The following MXRA7 variants were observed in gnomAD, a reference collection of about 807,000 sequenced individuals.
The protein encoded by MXRA7 is matrix remodeling associated 7, also known as matrix-remodeling-associated protein 7.
In MXRA7, 18 loss-of-function variants were observed where a neutral mutation model predicts 17.4. The ratio of observed to expected loss-of-function variants is 1.03; its 90% CI spans 0.71 to 1.53. The LOEUF (loss-of-function observed/expected upper bound fraction) is 1.53, where lower values mean the gene tolerates loss of function less well. Ranked by LOEUF, MXRA7 falls within the 40% of genes most tolerant of loss-of-function variation. The pLI is 0.00. For synonymous variants in MXRA7, 70 were observed against 101.7 expected, an observed-to-expected ratio of 0.69 and a Z score of 1.87; for missense variants, 141 against 209.3, an observed-to-expected ratio of 0.67 and a Z score of 2.01.
chr17:76,683,995 G>A, intron 3 of MXRA7: 1 of 1,215,476 alleles, frequency 8.2e-7, no homozygotes. Context: ...AGGACTCGGG[G>A]CTCCTGCCAG....
chr17:76,688,384 G>A (rs765492235), intron 1 of MXRA7: 8 of 1,432,042 alleles, frequency 5.6e-6, no homozygotes, highest in Admixed American at 5.7e-5. Context: ...CACAAATGCT[G>A]AGCTGAGGCG....
In MXRA7 at chr17:76,682,917, G is replaced by A. The variant is rs1415152634; in HGVS notation, c.501-2038C>T. 9.9e-5 allele frequency among the ~76,000 whole-genome samples: 15 copies of A among 152,220 alleles called. 1 individual carries two copies. Among genetic ancestry groups the A allele is most frequent in the Admixed American group, 9.8e-4 (15 of 15,284 alleles). On this transcript the variant is annotated intron_variant, in intron 3 of 3. Transcript: ENST00000449428. ...CCCACAGAACAGCCAAGTGTGGGTT[G>A]GTGGTCTAGAGACCTCCAAAGATCC... is the stretch of plus-strand genomic sequence containing the variant.
At chr17:76,705,199 C>T (rs183670043) in intron 1 of MXRA7, among the ~76,000 whole-genome samples, 1 of 152,210 alleles carries the variant, frequency 6.6e-6, no homozygotes, top group African/African-American at 2.4e-5. Context: ...AAGGCTCTTT[C>T]TCTCTGAAAG....
chr17:76,695,353 GGTGTGTGTGT>G (rs71158054), intron 1 of MXRA7, among the ~76,000 whole-genome samples: 1 of 147,996 alleles, frequency 6.8e-6, no homozygotes, highest in Admixed American at 6.7e-5. Context: ...TTTAGCTTCA[GGTGTGTGTGT>G]GTGTGTGTGT....
At chr17:76,687,564 C>T (rs1034147678) in intron 2 of MXRA7, among the ~76,000 whole-genome samples, 1 of 152,184 alleles carries the variant, frequency 6.6e-6, no homozygotes, top group Non-Finnish European at 1.5e-5. Flanking sequence ...TGTTTGGTTC[C>T]GCCTCTGTCT....
At chr17:76,679,548 A>C (rs2076271409), downstream of MXRA7, 1 of 964,670 alleles carries the variant, frequency 1.0e-6, no homozygotes, top group African/African-American at 1.8e-5. Flanking sequence ...AAACAAAGCA[A>C]ACTGAAAAAA....
chr17:76,685,893 G>C (rs1440800443), intron 2 of MXRA7, among the ~76,000 whole-genome samples: 2 of 152,362 alleles, frequency 1.3e-5, no homozygotes, highest in East Asian at 3.9e-4. Context: ...AGCCCCATGG[G>C]GGAGCAACCT....
intron 1 of MXRA7, among the ~76,000 whole-genome samples, chr17:76,693,490 A>G (rs1039239919): frequency 9.9e-5 from 15 of 151,312 alleles, no homozygotes; most frequent in East Asian, 3.9e-4. Flanking sequence ...AAAAAAAAAA[A>G]AAAGAAAAAG....
chr17:76,686,880 A>G (rs548287830), intron 2 of MXRA7, among the ~76,000 whole-genome samples: 1 of 151,182 alleles, frequency 6.6e-6, no homozygotes, highest in African/African-American at 2.4e-5. Flanking sequence ...GCAGGAGGCT[A>G]AGATGGCAGG....
chr17:76,678,356 C>T (rs1486366231), downstream of MXRA7, among the ~76,000 whole-genome samples: 12 of 152,310 alleles, frequency 7.9e-5, no homozygotes, highest in Middle Eastern at 3.4e-3. Flanking sequence ...GTTTGCTCCA[C>T]GCGGGTTCTG....
intron 1 of MXRA7, among the ~76,000 whole-genome samples, chr17:76,694,114 G>A (rs2076507308): frequency 6.6e-6 from 1 of 152,176 alleles, no homozygotes; most frequent in Admixed American, 6.5e-5. Flanking sequence ...ATAGGCCCAG[G>A]AGCCCAATTT....
chr17:76,696,033 T>C (rs2076530141), intron 1 of MXRA7, among the ~76,000 whole-genome samples: 4 of 151,832 alleles, frequency 2.6e-5, no homozygotes, highest in Admixed American at 2.0e-4. Flanking sequence ...AGGCGGAGGT[T>C]GCAGTAAGCC....
chr17:76,688,228 A>G, intron 1 of MXRA7, 52 bp from the exon 2 acceptor site: 4 of 1,611,234 alleles, frequency 2.5e-6, no homozygotes, highest in Middle Eastern at 1.7e-4. Flanking sequence ...GGTGATGGGA[A>G]GTGGTGGGGG....
At chr17:76,697,286 T>A (rs569926577) in intron 1 of MXRA7, among the ~76,000 whole-genome samples, 1 of 152,150 alleles carries the variant, frequency 6.6e-6, no homozygotes, top group East Asian at 1.9e-4. Context: ...GGCGGCCAAC[T>A]GCAAGCCAGC....
Position 76,679,621 on chromosome 17 carries a change from A to C in MXRA7, c.*1246T>G. 1.0e-6 allele frequency: 1 copy of C among 972,314 alleles called. No individual in the cohort carries two copies. The highest frequency in any genetic ancestry group is 1.2e-6 in the Non-Finnish European group (1 of 817,970). 60.2% of individuals were successfully genotyped at this position (972,314 alleles called of 1,614,324 possible). ...GACTGAACAAAGGCTGAATACAGAG[A>C]TCCAAGCCATGAGGAGTACATGAGG... On this transcript the variant is annotated 3_prime_UTR_variant, in exon 4 of 4. Transcript: ENST00000449428.
chr17:76,708,269 G>C (rs1254054827), intron 1 of MXRA7, among the ~76,000 whole-genome samples: 1 of 152,224 alleles, frequency 6.6e-6, no homozygotes, highest in African/African-American at 2.4e-5. Flanking sequence ...GGAAGGGAGA[G>C]GACTGGATTA....
chr17:76,682,645 C>A (rs1357552566), intron 3 of MXRA7, among the ~76,000 whole-genome samples: 1 of 151,966 alleles, frequency 6.6e-6, no homozygotes, highest in African/African-American at 2.4e-5. Context: ...CGCAGTGCTG[C>A]GAGGGGCAAC....
intron 1 of MXRA7, among the ~76,000 whole-genome samples, chr17:76,692,650 A>AG (rs398031651): frequency 2.7e-5 from 4 of 149,282 alleles, no homozygotes; most frequent in African/African-American, 9.7e-5. Flanking sequence ...AAAAAAAAAA[A>AG]TGGGCGACCA....
At chr17:76,684,576 G>A (rs531819346) in intron 3 of MXRA7, 5 of 336,664 alleles carry the variant, frequency 1.5e-5, no homozygotes, top group East Asian at 9.4e-5. Flanking sequence ...TTCCAACAAC[G>A]AGAAGCCATA....
Sources: gnomAD v4.1 joint callset for allele counts (sites outside exome capture counted in the v4.1 genomes callset) on GRCh38, gnomAD v4.1.1 for gene constraint, MANE v1.5 for transcripts, NCBI Gene and HGNC (gene_info 2026-07-23, HGNC 2026-07-21) for gene names.